TAB2: variants seen among roughly 807,000 people sequenced by gnomAD.
TAB2 encodes the protein TGF-beta activated kinase 1 (MAP3K7) binding protein 2.
TAB2 carries 3 observed loss-of-function variants against 65.0 expected under a neutral mutation model. The ratio of observed to expected loss-of-function variants is 0.05; its 90% CI spans 0.02 to 0.12. The LOEUF (loss-of-function observed/expected upper bound fraction) is 0.12. TAB2 is among the 10% of genes least tolerant of loss of function. The pLI is 1.00. For synonymous variants in TAB2, 298 were observed against 285.1 expected (o/e 1.05, Z -0.46); for missense variants, 623 against 840.3 (o/e 0.74, Z 3.20).
intron 1 of TAB2, chr6:149,257,342 C>T (rs1334739513): frequency 6.6e-6 from 1 of 152,154 alleles, no homozygotes; most frequent in African/African-American, 2.4e-5. Context: ...GGAAAAGTTT[C>T]CTCTTCTCTG....
intron 2 of TAB2, among the ~76,000 whole-genome samples, 199 bp from the exon 3 acceptor site, chr6:149,377,819 A>G (rs1268942097): frequency 1.1e-5 from 1 of 89,556 alleles, no homozygotes; most frequent in East Asian, 2.3e-4. Flanking sequence ...TTTGTTAGTC[A>G]GAGAGAGCTT....
chr6:149,239,497 A>G (rs1777557932), intron 1 of TAB2, among the ~76,000 whole-genome samples: 1 of 152,386 alleles, frequency 6.6e-6, no homozygotes, highest in East Asian at 1.9e-4. Context: ...AGGCTTTGCC[A>G]TAATCCCAGG....
chr6:149,377,292 C>G (rs912903080), intron 2 of TAB2, among the ~76,000 whole-genome samples: 17 of 151,580 alleles, frequency 1.1e-4, no homozygotes, highest in Non-Finnish European at 2.9e-5. Context: ...ATCTCCTGAC[C>G]TCGTGATCCA....
At chr6:149,312,859 G>T (rs1283362498), upstream of TAB2, among the ~76,000 whole-genome samples, 3 of 152,202 alleles carry the variant, frequency 2.0e-5, no homozygotes, top group Non-Finnish European at 4.4e-5. Context: ...ATTTTTTATG[G>T]TGAGAACACT....
rs117603303 is a variant in TAB2 at position 149,225,098 on chromosome 6, A to T, written c.-121+6322A>T. Among the ~76,000 whole-genome samples, 6 of 152,362 alleles carry T rather than the reference A, an allele frequency of 3.9e-5. No individual in the cohort carries two copies. In the South Asian group the frequency reaches 1.2e-3, roughly 32 times the overall value. On this transcript the variant is annotated intron_variant, in intron 1 of 1. Coordinates refer to the TAB2 transcript ENST00000606202. ...TTTGGGACTGCAATTTGCTACAGACATTACAGCCAAATTGAACAACAAGAT... is the reference window on the plus strand; with the variant it reads ...TTTGGGACTGCAATTTGCTACAGACTTTACAGCCAAATTGAACAACAAGAT...
At chr6:149,219,997 A>AT (rs1777106219) in intron 1 of TAB2, among the ~76,000 whole-genome samples, 1 of 152,230 alleles carries the variant, frequency 6.6e-6, no homozygotes, top group African/African-American at 2.4e-5. Context: ...TGATTAATTT[A>AT]TTTTTTAAAA....
chr6:149,236,481 C>T (rs1249017783), intron 1 of TAB2, among the ~76,000 whole-genome samples: 1 of 152,196 alleles, frequency 6.6e-6, no homozygotes, highest in African/African-American at 2.4e-5. Flanking sequence ...CCTTATTCCC[C>T]ATTGCCAAAT....
At chr6:149,326,692 C>T (rs886725997) in intron 1 of TAB2, among the ~76,000 whole-genome samples, 3 of 152,000 alleles carry the variant, frequency 2.0e-5, no homozygotes, top group Non-Finnish European at 4.4e-5. Flanking sequence ...GGATTACAGG[C>T]GCCCACCACC....
At chr6:149,244,947 T>A (rs1217878647) in intron 1 of TAB2, 4 of 151,922 alleles carry the variant, frequency 2.6e-5, no homozygotes, top group Non-Finnish European at 5.9e-5. Context: ...TTAGATGTAT[T>A]AACTCATTTA....
At chr6:149,408,392 T>C (rs186151254) in intron 6 of TAB2, among the ~76,000 whole-genome samples, 2 of 152,228 alleles carry the variant, frequency 1.3e-5, no homozygotes, top group East Asian at 3.9e-4. Flanking sequence ...AGCAAGAAAA[T>C]TTCTGTACAA....
chr6:149,277,302 TAAATA>T (rs1401144950), intron 1 of TAB2, among the ~76,000 whole-genome samples: 1 of 152,170 alleles, frequency 6.6e-6, no homozygotes, highest in African/African-American at 2.4e-5. Flanking sequence ...AAAGTCTGAT[TAAATA>T]AAATAAGATG....
intron 1 of TAB2, among the ~76,000 whole-genome samples, chr6:149,292,489 C>G (rs185517989): frequency 6.6e-6 from 1 of 151,832 alleles, no homozygotes; most frequent in African/African-American, 2.4e-5. Flanking sequence ...AGAATTTCTC[C>G]TTACTTTGAA....
At chr6:149,340,689 G>A (rs1468963460) in intron 1 of TAB2, among the ~76,000 whole-genome samples, 3 of 152,004 alleles carry the variant, frequency 2.0e-5, no homozygotes, top group Non-Finnish European at 2.9e-5. Context: ...GTTACTGAAT[G>A]GAAATCCTCA....
intron 1 of TAB2, chr6:149,244,534 G>C (rs1440639490): frequency 6.6e-6 from 1 of 152,404 alleles, no homozygotes; most frequent in South Asian, 2.1e-4. Flanking sequence ...GGAAATATGA[G>C]TAATAATAAG....
chr6:149,276,871 T>G (rs920954496), intron 1 of TAB2, among the ~76,000 whole-genome samples: 2 of 152,234 alleles, frequency 1.3e-5, no homozygotes, highest in Non-Finnish European at 2.9e-5. Context: ...CACCCAAATA[T>G]CATCTTGATT....
chr6:149,344,224 A>C (rs367739577), intron 1 of TAB2, among the ~76,000 whole-genome samples: 5 of 152,328 alleles, frequency 3.3e-5, no homozygotes, highest in Admixed American at 2.0e-4. Context: ...TTACATATGA[A>C]TATCAAGTCT....
intron 1 of TAB2, among the ~76,000 whole-genome samples, chr6:149,224,773 C>T (rs990188806): frequency 2.0e-5 from 3 of 152,148 alleles, no homozygotes; most frequent in Non-Finnish European, 4.4e-5. Flanking sequence ...TAGTTTGATA[C>T]GTAGGTTAAT....
chr6:149,314,207 T>A (rs781778756), upstream of TAB2, among the ~76,000 whole-genome samples: 4 of 152,264 alleles, frequency 2.6e-5, no homozygotes, highest in Non-Finnish European at 5.9e-5. Flanking sequence ...ATCTCTCATT[T>A]GGGCTATTAC....
At chr6:149,259,144 G>T (rs1004891205) in intron 1 of TAB2, among the ~76,000 whole-genome samples, 7 of 152,164 alleles carry the variant, frequency 4.6e-5, no homozygotes, top group Non-Finnish European at 8.8e-5. Flanking sequence ...AACTGGTGTT[G>T]TTCTAAGACA....
Sources: gnomAD v4.1 joint callset for allele counts (sites outside exome capture counted in the v4.1 genomes callset) on GRCh38, gnomAD v4.1.1 for gene constraint, MANE v1.5 for transcripts, NCBI Gene and HGNC (gene_info 2026-07-23, HGNC 2026-07-21) for gene names.